LYRM4: variants seen among roughly 807,000 people sequenced by gnomAD.
LYRM4 encodes the protein LYR motif containing 4.
Under a neutral mutation model 11.7 loss-of-function variants are expected in LYRM4, and 9 were observed. The observed-to-expected ratio is 0.77, with a 90% confidence interval of 0.46 to 1.34. The LOEUF (loss-of-function observed/expected upper bound fraction) is 1.34, where lower values mean the gene tolerates loss of function less well. Among genes scored for constraint, LYRM4 ranks in the 40% most tolerant of loss-of-function variants. The pLI is 0.00. For missense variants in LYRM4, 133 were observed against 112.5 expected (o/e 1.18, Z -0.82); for synonymous variants, 42 against 40.4 (o/e 1.04, Z -0.15).
At chr6:5,050,077 G>A in the LYRM4 span, among the ~76,000 whole-genome samples, 3 of 152,256 alleles carry the variant, frequency 2.0e-5, no homozygotes, top group African/African-American at 4.8e-5. Context: ...AGATGGCAGC[G>A]TAGAAGCATC....
chr6:5,175,815 T>C (rs6921237), intron 2 of LYRM4, among the ~76,000 whole-genome samples: 14,134 of 152,146 alleles, frequency 0.093, 827 homozygotes, highest in African/African-American at 0.16. Flanking sequence ...GCCCACCAAG[T>C]AGGAAGTCGC....
At chr6:5,082,324 AGAC>A in the LYRM4 span, among the ~76,000 whole-genome samples, 108 of 152,320 alleles carry the variant, frequency 7.1e-4, no homozygotes, top group African/African-American at 2.6e-3. Flanking sequence ...AACTGGTGTT[AGAC>A]ACCACTTGGT....
chr6:5,167,208 G>GTAAT (rs1445277964), intron 2 of LYRM4, among the ~76,000 whole-genome samples: 3 of 152,126 alleles, frequency 2.0e-5, no homozygotes, highest in Non-Finnish European at 4.4e-5. Context: ...TGTTGTCAGA[G>GTAAT]TAATATACGC....
In LYRM4 at chr6:5,260,552, T is replaced by C. The variant is rs1764995947; in HGVS notation, c.86+96A>G. 2.7e-6 allele frequency: 4 copies of C among 1,473,886 alleles called. No individual in the cohort carries two copies. In the Admixed American group the frequency reaches 6.3e-5, roughly 23 times the overall value. 91.3% of individuals were successfully genotyped at this position (1,473,886 alleles called of 1,614,324 possible). The stretch of plus-strand genomic sequence containing the variant: ...CCTCGCAGCCGCCGGCAAACCACGG[T>C]GGCTCCCAGTCCCCGGGGATATTCC... On this transcript the variant is annotated intron_variant, in intron 1 of 2. Transcript: ENST00000330636.
At chr6:5,199,602 G>C (rs1761269245) in intron 2 of LYRM4, among the ~76,000 whole-genome samples, 1 of 152,200 alleles carries the variant, frequency 6.6e-6, no homozygotes. Context: ...GTCACTACCA[G>C]ACTGAAACTG....
At chr6:5,053,369 C>A in the LYRM4 span, among the ~76,000 whole-genome samples, 1 of 152,022 alleles carries the variant, frequency 6.6e-6, no homozygotes, top group East Asian at 1.9e-4. Flanking sequence ...AAGTATCTGA[C>A]CCTACCTCAG....
chr6:5,059,066 C>G, the LYRM4 span, among the ~76,000 whole-genome samples: 1 of 152,138 alleles, frequency 6.6e-6, no homozygotes, highest in Non-Finnish European at 1.5e-5. Flanking sequence ...TATGGCCAGG[C>G]ATGGTGGCTC....
the LYRM4 span, chr6:5,066,351 C>T: frequency 5.5e-6 from 4 of 722,122 alleles, no homozygotes; most frequent in African/African-American, 1.8e-5. Flanking sequence ...TACAGGAATA[C>T]GTCATATGCA....
intron 1 of LYRM4, among the ~76,000 whole-genome samples, chr6:5,259,943 T>C (rs560007687): frequency 2.0e-5 from 3 of 152,176 alleles, no homozygotes; most frequent in East Asian, 1.9e-4. Context: ...AAAAGACTCA[T>C]AGGCAAATAG....
At chr6:5,251,798 T>C (rs897209715) in intron 1 of LYRM4, among the ~76,000 whole-genome samples, 2 of 152,164 alleles carry the variant, frequency 1.3e-5, no homozygotes, top group Non-Finnish European at 2.9e-5. Context: ...AGGCAGTCAC[T>C]GTTAAAAGAT....
chr6:5,167,906 G>A (rs193261512), intron 2 of LYRM4, among the ~76,000 whole-genome samples: 6 of 151,372 alleles, frequency 4.0e-5, no homozygotes, highest in East Asian at 1.9e-4. Flanking sequence ...TTATACTACC[G>A]GGAAAAGACA....
intron 2 of LYRM4, among the ~76,000 whole-genome samples, chr6:5,192,800 C>A (rs977711064): frequency 6.6e-6 from 1 of 152,156 alleles, no homozygotes; most frequent in Non-Finnish European, 1.5e-5. Flanking sequence ...CCGAGGCGGG[C>A]GGATCACCTG....
intron 2 of LYRM4, among the ~76,000 whole-genome samples, chr6:5,188,512 T>C (rs901051238): frequency 4.6e-5 from 7 of 152,244 alleles, no homozygotes; most frequent in African/African-American, 1.7e-4. Context: ...GTTCCTCTTA[T>C]TTTTAACAAA....
chr6:5,069,004 C>A, the LYRM4 span, among the ~76,000 whole-genome samples: 1 of 152,060 alleles, frequency 6.6e-6, no homozygotes, highest in Non-Finnish European at 1.5e-5. Flanking sequence ...CTTAGAGACT[C>A]AACCTAGATC....
intron 1 of LYRM4, among the ~76,000 whole-genome samples, chr6:5,220,224 T>C (rs573629447): frequency 1.3e-5 from 2 of 152,344 alleles, no homozygotes; most frequent in African/African-American, 4.8e-5. Flanking sequence ...TCTTCAGTGC[T>C]TGAGGTTCTG....
intron 2 of LYRM4, among the ~76,000 whole-genome samples, chr6:5,202,769 A>C (rs1159281722): frequency 3.3e-5 from 5 of 152,348 alleles, no homozygotes; most frequent in Admixed American, 3.3e-4. Flanking sequence ...GATATGGCTA[A>C]AATTTTGTTG....
intron 1 of LYRM4, among the ~76,000 whole-genome samples, chr6:5,232,246 C>T (rs1335158689): frequency 6.6e-6 from 1 of 152,214 alleles, no homozygotes; most frequent in African/African-American, 2.4e-5. Context: ...TCAGGGCACA[C>T]TGAGGCTGAA....
At chr6:5,137,126 A>G (rs559696446) in intron 2 of LYRM4, among the ~76,000 whole-genome samples, 1 of 152,320 alleles carries the variant, frequency 6.6e-6, no homozygotes, top group East Asian at 1.9e-4. Context: ...TTCCCGTAGC[A>G]TAATGTTCTC....
the LYRM4 span, among the ~76,000 whole-genome samples, chr6:5,081,912 G>T: frequency 6.6e-6 from 1 of 152,132 alleles, no homozygotes; most frequent in South Asian, 2.1e-4. Flanking sequence ...AGGGGCAGGG[G>T]CTGCAGACTG....
Sources: gnomAD v4.1 joint callset for allele counts (sites outside exome capture counted in the v4.1 genomes callset) on GRCh38, gnomAD v4.1.1 for gene constraint, MANE v1.5 for transcripts, NCBI Gene and HGNC (gene_info 2026-07-23, HGNC 2026-07-21) for gene names.